GPC1: variants seen among roughly 807,000 people sequenced by gnomAD.
GPC1 encodes the protein glypican 1, also known as glypican-1.
A neutral mutation model predicts 51.5 loss-of-function variants in GPC1; 26 were observed. The ratio of observed to expected loss-of-function variants is 0.50; its 90% CI spans 0.37 to 0.70. GPC1 has a LOEUF of 0.70. Ranked by LOEUF, GPC1 falls within the 30% of genes least tolerant of loss-of-function variation. The pLI is 0.00. For synonymous variants in GPC1, 380 were observed against 348.3 expected, an observed-to-expected ratio of 1.09 and a Z score of -1.01; for missense variants, 775 against 800.5, an observed-to-expected ratio of 0.97 and a Z score of 0.38.
intron 1 of GPC1, among the ~76,000 whole-genome samples, chr2:240,443,491 C>T (rs2074030963): frequency 6.6e-6 from 1 of 152,178 alleles, no homozygotes; most frequent in African/African-American, 2.4e-5. Context: ...GGCAGCCACC[C>T]AGGGGCTCCA....
intron 4 of GPC1, 102 bp from the exon 5 acceptor site, chr2:240,464,514 A>G (rs2074243384): frequency 7.1e-7 from 1 of 1,408,204 alleles, no homozygotes; most frequent in Non-Finnish European, 1.0e-6. Context: ...CGTGCTGTCA[A>G]GACTGCATTA....
Position 240,466,749 on chromosome 2 carries a change from G to A in GPC1, c.*459G>A, listed in dbSNP as rs560061085. ...ACCCCCCAGCCTCCAGAGAAGCCCC[G>A]CACGGGCTGTCTGGGTGTCCGCCAT... is the stretch of plus-strand genomic sequence containing the variant. On this transcript the variant is annotated 3_prime_UTR_variant, in exon 9 of 9. Transcript: ENST00000264039. 40 of 163,832 alleles carry A rather than the reference G, an allele frequency of 2.4e-4. 1 individual carries two copies. In the South Asian group the frequency reaches 7.1e-3, roughly 29 times the overall value. 10.1% of individuals were successfully genotyped at this position (163,832 alleles called of 1,614,324 possible).
chr2:240,462,562 G>A lies in GPC1; in HGVS notation c.697G>A (p.Val233Met), dbSNP rs748327513. 1.8e-5 allele frequency: 27 copies of A among 1,530,552 alleles called. No individual in the cohort carries two copies. Among genetic ancestry groups the A allele is most frequent in the East Asian group, 2.3e-5 (1 of 44,050 alleles). The allele number at this position is 1,530,552 out of a possible 1,614,324, so 94.8% of individuals were successfully genotyped here. A position where few individuals can be genotyped will look rare whatever the true frequency, so the allele number is the denominator to read the frequency against. Reference sequence around the variant, plus strand: ...GCAGGGCCTGGGCGTGGCCAGCGACGTGGTCCGGAAAGTGGCTCAGGTGCG... The same window carrying A: ...GCAGGGCCTGGGCGTGGCCAGCGACATGGTCCGGAAAGTGGCTCAGGTGCG... ...FVQGLGVASD[V>M]VRKVAQVPLG... The change falls in exon 3 of 9, where the codon GTG (valine) becomes ATG (methionine). Residue 233 changes from valine (V) to methionine (M), a missense_variant. By Grantham distance (21) the Val-to-Met change is conservative. Transcript: ENST00000264039.
At chr2:240,460,137 C>T (rs1214409659) in intron 2 of GPC1, among the ~76,000 whole-genome samples, 2 of 152,082 alleles carry the variant, frequency 1.3e-5, no homozygotes, top group Non-Finnish European at 2.9e-5. Flanking sequence ...CCCAGGAGCC[C>T]CCAAGGCCAT....
chr2:240,465,454 C>T lies in GPC1; in HGVS notation c.1269-19C>T. ...AGGGGCTGGAGCAGTGACCTGGGCT[C>T]TGCCTGCCTTTCCCCCAGGTACCTC... On this transcript the variant is annotated intron_variant, in intron 7 of 8. Transcript: ENST00000264039. 6.2e-7 allele frequency: 1 copy of T among 1,611,296 alleles called. No homozygotes were observed. Among genetic ancestry groups the T allele is most frequent in the Non-Finnish European group, 8.5e-7 (1 of 1,178,880 alleles).
At chr2:240,436,191 T>C (rs1354331052) in intron 1 of GPC1, 107 bp downstream of exon 1, 6 of 742,914 alleles carry the variant, frequency 8.1e-6, no homozygotes, top group Non-Finnish European at 1.1e-5. Context: ...TCCTGCCGCC[T>C]GCGCCCCGCC....
chr2:240,441,259 C>G (rs938234549), intron 1 of GPC1, among the ~76,000 whole-genome samples: 3 of 152,278 alleles, frequency 2.0e-5, no homozygotes, highest in African/African-American at 7.2e-5. Flanking sequence ...CATGTCTGTT[C>G]TATGGCATCC....
In GPC1 at chr2:240,463,357, G is replaced by T; in HGVS notation, c.728G>T (p.Gly243Val). ...TCCCTTGCTCCCCAGGTCCCCCTGG[G>T]CCCGGAGTGCTCGAGAGCTGTCATG... is the stretch of plus-strand genomic sequence containing the variant. Reference protein sequence around the residue: ...VVRKVAQVPLGPECSRAVMKL... With the variant: ...VVRKVAQVPLVPECSRAVMKL... The change falls in exon 4 of 9, where the codon GGC becomes GTC. Residue 243 changes from glycine (G) to valine (V), a missense_variant. Gly to Val is a moderately radical substitution (Grantham distance 109, BLOSUM62 -3). Transcript: ENST00000264039. The T allele has an allele frequency of 6.2e-7, 1 of 1,612,718 alleles. No homozygotes were observed. The highest frequency in any genetic ancestry group is 1.7e-5 in the Admixed American group (1 of 60,010).
chr2:240,440,831 C>T (rs1267356091), intron 1 of GPC1, among the ~76,000 whole-genome samples: 2 of 152,236 alleles, frequency 1.3e-5, no homozygotes, highest in African/African-American at 2.4e-5. Context: ...CTGGCCGTGC[C>T]GCCCAGAGAG....
rs752159577 is a variant in GPC1 at position 240,465,482 on chromosome 2, C to T, written c.1278C>T (p.Pro426=). ...CCTGCCTTTCCCCCAGGTACCTCCC[C>T]GAGGTCATGGGTGACGGCCTGGCCA... ...WNGMARGRYL[P]EVMGDGLANQ... The change falls in exon 8 of 9, where the codon CCC becomes CCT. Residue 426 remains proline (P), a synonymous_variant. Coordinates refer to ENST00000264039, the MANE Select transcript of GPC1 (RefSeq NM_002081.3). 15 of 1,612,818 alleles carry T rather than the reference C, an allele frequency of 9.3e-6. No individual in the cohort carries two copies. In the Admixed American group the frequency reaches 1.2e-4, roughly 13 times the overall value.
intron 1 of GPC1, chr2:240,450,733 G>GC: frequency 2.1e-6 from 1 of 469,452 alleles, no homozygotes; most frequent in South Asian, 1.6e-5. Flanking sequence ...GTTCGCTCCA[G>GC]TGCCAACACT....
At chr2:240,456,962 T>C (rs2074170613) in intron 1 of GPC1, among the ~76,000 whole-genome samples, 1 of 152,150 alleles carries the variant, frequency 6.6e-6, no homozygotes, top group Non-Finnish European at 1.5e-5. Flanking sequence ...TCACCCCAGC[T>C]GGCTCCCACA....
At chr2:240,436,407 C>T (rs895964760) in intron 1 of GPC1, among the ~76,000 whole-genome samples, 1 of 152,036 alleles carries the variant, frequency 6.6e-6, no homozygotes, top group East Asian at 1.9e-4. Context: ...TCCCGGGCCA[C>T]GGCTGGAGCT....
In GPC1 at chr2:240,464,889, C is replaced by A; in HGVS notation, c.1048C>A (p.Pro350Thr). The change falls in exon 6 of 9, where the codon CCC becomes ACC. Residue 350 changes from proline (P) to threonine (T), a missense_variant. Coordinates refer to ENST00000264039, the MANE Select transcript of GPC1 (RefSeq NM_002081.3). ...IQGCGNPKVN[P>T]QGPGPEEKRR... ...GGGCTGCGGGAACCCCAAGGTCAAC[C>A]CCCAGGGCCCCGGGCCTGAGGAGAA... is the stretch of plus-strand genomic sequence containing the variant. The A allele has an allele frequency of 6.4e-7, 1 of 1,553,054 alleles. No homozygotes were observed. The highest frequency in any genetic ancestry group is 1.2e-5 in the South Asian group (1 of 84,258).
Position 240,462,204 on chromosome 2 carries a change from C to T in GPC1, c.339C>T (p.His113=), listed in dbSNP as rs539844753. 6.3e-7 allele frequency: 1 copy of T among 1,597,306 alleles called. No homozygotes were observed. The highest frequency in any genetic ancestry group is 1.3e-5 in the African/African-American group (1 of 74,750). The part of the protein sequence containing the change: ...QLRSFDDHFQ[H]LLNDSERTLQ... ...CCCTGTGCGCAGACCACTTCCAGCA[C>T]CTGCTGAACGACTCGGAGCGGACGC... The change falls in exon 3 of 9, where the codon CAC becomes CAT. Residue 113 remains histidine (H), a synonymous_variant. Coordinates refer to ENST00000264039, the MANE Select transcript of GPC1 (RefSeq NM_002081.3).
At chr2:240,445,072 T>C (rs2074040470) in intron 1 of GPC1, among the ~76,000 whole-genome samples, 1 of 152,136 alleles carries the variant, frequency 6.6e-6, no homozygotes. Flanking sequence ...TCTCACGTAA[T>C]CCAGCCCCAC....
At chr2:240,464,059 C>G (rs1449935041) in intron 4 of GPC1, 1 of 202,320 alleles carries the variant, frequency 4.9e-6, no homozygotes, top group African/African-American at 2.3e-5. Context: ...TGAGGGGGGA[C>G]AGCATGCATC....
rs2074066539 is a variant in GPC1, at chr2:240,448,349, C to A, written c.167-10681C>A. 7.3e-6 allele frequency among the ~76,000 whole-genome samples: 1 copy of A among 136,316 alleles called. No individual in the cohort carries two copies. 89.4% of individuals were successfully genotyped at this position (136,316 alleles called of 152,430 possible). A position where few individuals can be genotyped will look rare whatever the true frequency, so the allele number is the denominator to read the frequency against. ...GAGCCATCTCATGGGATCCTGGCAT[C>A]CCTCTGTCTGCCAGGCAGTCCGGGT... On this transcript the variant is annotated intron_variant, in intron 1 of 8. Coordinates refer to ENST00000264039, the MANE Select transcript of GPC1 (RefSeq NM_002081.3). The surrounding 1 kb of genome is among the most constrained non-coding windows in gnomAD (Gnocchi z 4.5).
At chr2:240,461,828 C>G (rs1218272908) in intron 2 of GPC1, among the ~76,000 whole-genome samples, 2 of 152,042 alleles carry the variant, frequency 1.3e-5, no homozygotes, top group African/African-American at 4.8e-5. Flanking sequence ...CCCTCTTACC[C>G]CAGTGAGTCC....
Sources: allele counts gnomAD v4.1 joint callset (sites outside exome capture counted in the v4.1 genomes callset), GRCh38; gene constraint gnomAD v4.1.1; non-coding constraint Gnocchi (gnomAD v3.1); transcripts MANE v1.5; gene names NCBI Gene and HGNC (gene_info 2026-07-23, HGNC 2026-07-21).